The following PCDH7 variants were observed in gnomAD, a reference collection of about 807,000 sequenced individuals.
PCDH7 encodes protocadherin-7.
PCDH7 carries 17 observed loss-of-function variants against 58.9 expected under a neutral mutation model. The observed-to-expected ratio is 0.29, with a 90% CI of 0.20 to 0.43. The LOEUF is 0.43. Ranked by LOEUF, PCDH7 falls within the 20% of genes least tolerant of loss-of-function variation. The probability of loss-of-function intolerance (pLI) is 1.00; values close to 1 mark genes in which losing one functional copy is unlikely to be tolerated. For synonymous variants in PCDH7, 664 were observed against 616.4 expected (o/e 1.08, Z -1.14); for missense variants, 1,274 against 1,441.0 (o/e 0.88, Z 1.88).
At chr4:31,064,448 A>G (rs1474453773) in intron 3 of PCDH7, among the ~76,000 whole-genome samples, 1 of 151,966 alleles carries the variant, frequency 6.6e-6, no homozygotes, top group East Asian at 1.9e-4. Context: ...ATCAAGTACC[A>G]TGAATAGGGT....
chr4:31,005,820 G>C (rs985282552), intron 3 of PCDH7, among the ~76,000 whole-genome samples: 119 of 152,238 alleles, frequency 7.8e-4, no homozygotes, highest in Middle Eastern at 3.4e-3. Context: ...TAAAAATTCA[G>C]TTCCGTTTTA....
chr4:31,122,507 T>C (rs1717811738), intron 3 of PCDH7, among the ~76,000 whole-genome samples: 1 of 152,194 alleles, frequency 6.6e-6, no homozygotes, highest in Non-Finnish European at 1.5e-5. Context: ...AGGAAGCTGT[T>C]TTCTAACTTT....
intron 1 of PCDH7, among the ~76,000 whole-genome samples, chr4:30,796,027 A>AT (rs939704034): frequency 1.3e-5 from 2 of 152,000 alleles, no homozygotes; most frequent in African/African-American, 2.4e-5. Context: ...CTCCATTTTC[A>AT]TTTTTTTGAA....
At chr4:31,064,887 A>G (rs1052387781) in intron 3 of PCDH7, among the ~76,000 whole-genome samples, 1 of 151,926 alleles carries the variant, frequency 6.6e-6, no homozygotes, top group Admixed American at 6.6e-5. Context: ...CTTGTGCAAA[A>G]CTAGAATTTT....
chr4:30,936,500 G>A (rs1379263138), intron 2 of PCDH7, among the ~76,000 whole-genome samples: 1 of 152,054 alleles, frequency 6.6e-6, no homozygotes, highest in Non-Finnish European at 1.5e-5. Flanking sequence ...TAGAAGCACT[G>A]ATTTATTGCG....
chr4:30,986,887 A>G (rs1431345165), intron 3 of PCDH7, among the ~76,000 whole-genome samples: 1 of 152,042 alleles, frequency 6.6e-6, no homozygotes, highest in Admixed American at 6.6e-5. Context: ...AGGCTGAGGC[A>G]GAAGAATCAC....
At chr4:30,753,559 G>C (rs928043278) in intron 1 of PCDH7, among the ~76,000 whole-genome samples, 4 of 152,188 alleles carry the variant, frequency 2.6e-5, no homozygotes, top group African/African-American at 9.7e-5. Context: ...CATTTCAGGG[G>C]CTATACACCC....
chr4:30,855,548 C>A (rs550196010), intron 1 of PCDH7, among the ~76,000 whole-genome samples: 3 of 152,140 alleles, frequency 2.0e-5, no homozygotes, highest in Admixed American at 2.0e-4. Context: ...CTCTTGAAAT[C>A]TGGCTTCTCT....
chr4:30,941,272 T>C (rs1326304312), intron 2 of PCDH7, among the ~76,000 whole-genome samples: 1 of 151,974 alleles, frequency 6.6e-6, no homozygotes, highest in Non-Finnish European at 1.5e-5. Flanking sequence ...TGTCTGTGAA[T>C]AACCATTCCT....
At chr4:31,123,353 A>T (rs2109326482) in intron 3 of PCDH7, among the ~76,000 whole-genome samples, 1 of 152,296 alleles carries the variant, frequency 6.6e-6, no homozygotes, top group East Asian at 1.9e-4. Flanking sequence ...GAATACGTAG[A>T]ATAGTAGTTA....
chr4:31,067,687 T>C (rs2109247498), intron 3 of PCDH7, among the ~76,000 whole-genome samples: 1 of 152,140 alleles, frequency 6.6e-6, no homozygotes, highest in Admixed American at 6.6e-5. Flanking sequence ...GCTTCCATTA[T>C]ATTACCAGCT....
At chr4:30,812,218 A>G (rs562564360) in intron 1 of PCDH7, among the ~76,000 whole-genome samples, 90 of 152,302 alleles carry the variant, frequency 5.9e-4, no homozygotes, top group African/African-American at 2.1e-3. Flanking sequence ...AGTCTGTGTA[A>G]TGTATTTGAG....
At chr4:31,013,369 CAGAG>C (rs562061828) in intron 3 of PCDH7, among the ~76,000 whole-genome samples, 182 of 150,072 alleles carry the variant, frequency 1.2e-3, no homozygotes, top group African/African-American at 4.2e-3. Context: ...ATTATTTTCA[CAGAG>C]AAAGAGTATG....
At chr4:30,839,427 C>T (rs1010449805) in intron 1 of PCDH7, among the ~76,000 whole-genome samples, 4 of 152,074 alleles carry the variant, frequency 2.6e-5, no homozygotes, top group East Asian at 3.9e-4. Flanking sequence ...GGAATAGTGT[C>T]TGGCTCATGG....
At chr4:31,068,476 C>G (rs1038354826) in intron 3 of PCDH7, among the ~76,000 whole-genome samples, 5 of 151,938 alleles carry the variant, frequency 3.3e-5, no homozygotes, top group Non-Finnish European at 7.4e-5. Context: ...AATATATACA[C>G]CCTTGTACAA....
At chr4:31,048,014 T>C (rs979044182) in intron 3 of PCDH7, among the ~76,000 whole-genome samples, 2 of 152,070 alleles carry the variant, frequency 1.3e-5, no homozygotes, top group African/African-American at 4.8e-5. Context: ...ATAGTAGTTA[T>C]ACTCCTCAAA....
Position 30,724,613 on chromosome 4 carries a change from A to G in PCDH7, c.3174+17A>G. ...AGCAAACAGGTAAGATGTATCCCAA[A>G]TATATTTAAATATCCCAGGGAGGGC... On this transcript the variant is annotated intron_variant, in intron 1 of 1. Coordinates refer to ENST00000361762, the Ensembl canonical transcript of PCDH7. 1 of 1,609,390 alleles carries G rather than the reference A, an allele frequency of 6.2e-7. No individual in the cohort carries two copies. Among genetic ancestry groups the G allele is most frequent in the African/African-American group, 1.3e-5 (1 of 74,966 alleles).
chr4:31,035,089 T>C (rs1345995766), intron 3 of PCDH7, among the ~76,000 whole-genome samples: 3 of 152,152 alleles, frequency 2.0e-5, no homozygotes, highest in African/African-American at 7.2e-5. Flanking sequence ...TCACTTTTCA[T>C]TGAATGATCG....
intron 3 of PCDH7, among the ~76,000 whole-genome samples, chr4:30,969,695 C>T (rs536342006): frequency 3.3e-5 from 5 of 152,040 alleles, no homozygotes; most frequent in South Asian, 4.2e-4. Flanking sequence ...AGAGAATGCA[C>T]GCATTAAAAT....
Sources: gnomAD v4.1 joint callset for allele counts (sites outside exome capture counted in the v4.1 genomes callset) on GRCh38, gnomAD v4.1.1 for gene constraint, MANE v1.5 for transcripts, NCBI Gene and HGNC (gene_info 2026-07-23, HGNC 2026-07-21) for gene names.